Variants in SPECC1L observed in about 807,000 individuals in gnomAD.
The protein encoded by SPECC1L is sperm antigen with calponin homology and coiled-coil domains 1 like.
Under a neutral mutation model 116.8 loss-of-function variants are expected in SPECC1L, and 40 were observed. That is an observed-to-expected ratio of 0.34 (90% CI 0.27 to 0.45). SPECC1L has a LOEUF of 0.45. Among genes scored for constraint, SPECC1L ranks in the 20% least tolerant of loss-of-function variants. The pLI is 1.00. For missense variants in SPECC1L, 1,110 were observed against 1,373.6 expected (o/e 0.81, Z 3.03); for synonymous variants, 504 against 500.6 (o/e 1.01, Z -0.09).
chr22:24,345,899 G>A (rs1363467250), intron 10 of SPECC1L, among the ~76,000 whole-genome samples: 12 of 152,250 alleles, frequency 7.9e-5, no homozygotes, highest in African/African-American at 2.4e-4. Context: ...GACAAGCAAC[G>A]TGGTCTGCAT....
intron 11 of SPECC1L, among the ~76,000 whole-genome samples, chr22:24,362,420 G>A (rs555911869): frequency 6.6e-6 from 1 of 152,292 alleles, no homozygotes; most frequent in African/African-American, 2.4e-5. Flanking sequence ...AACAAGGGAG[G>A]AGTAGAACAA....
chr22:24,369,798 TCTTA>T (rs761358035), intron 14 of SPECC1L, among the ~76,000 whole-genome samples: 10 of 152,244 alleles, frequency 6.6e-5, no homozygotes, highest in Admixed American at 3.3e-4. Flanking sequence ...TGTAGCACTT[TCTTA>T]CTTAAGTCCA....
At chr22:24,372,576 A>C (rs1463237272) in intron 14 of SPECC1L, among the ~76,000 whole-genome samples, 1 of 152,098 alleles carries the variant, frequency 6.6e-6, no homozygotes. Context: ...ATTCAACAAC[A>C]CTTCATGCTA....
At chr22:24,319,771 GC>G (rs1290575862) in intron 4 of SPECC1L, among the ~76,000 whole-genome samples, 1 of 152,078 alleles carries the variant, frequency 6.6e-6, no homozygotes, top group African/African-American at 2.4e-5. Context: ...TCTGTTAGTG[GC>G]TATCTCCCTC....
At position 24,321,514 on chromosome 22, in the gene SPECC1L, A is replaced by G; in HGVS notation, c.534A>G (p.Arg178=). The change falls in exon 5 of 17, where the codon AGA becomes AGG. Residue 178 remains arginine (R), a synonymous_variant. Transcript: ENST00000314328. The part of the protein sequence containing the change: ...KSKSDNQISD[R]AALEAKVKDL... ...AGTCAGACAATCAGATCAGTGACAG[A>G]GCTGCTTTGGAGGCCAAAGTGAAGG... 1 of 1,614,236 alleles carries G rather than the reference A, an allele frequency of 6.2e-7. No homozygotes were observed. The highest frequency in any genetic ancestry group is 8.5e-7 in the Non-Finnish European group (1 of 1,180,044).
intron 8 of SPECC1L, among the ~76,000 whole-genome samples, chr22:24,330,760 T>C (rs1219069661): frequency 1.3e-5 from 2 of 152,208 alleles, no homozygotes; most frequent in Non-Finnish European, 2.9e-5. Flanking sequence ...TGATGTGGAC[T>C]CTGGAGACAG....
chr22:24,346,774 A>G (rs1210390118), intron 10 of SPECC1L, among the ~76,000 whole-genome samples: 2 of 152,182 alleles, frequency 1.3e-5, no homozygotes, highest in Admixed American at 6.5e-5. Flanking sequence ...TAATGTCAAA[A>G]TCCTGCTGGT....
intron 10 of SPECC1L, among the ~76,000 whole-genome samples, chr22:24,340,233 C>T (rs1285289040): frequency 6.7e-6 from 1 of 148,150 alleles, no homozygotes; most frequent in Non-Finnish European, 1.5e-5. Context: ...ACTGCAACCT[C>T]CACCTCCTGG....
intron 11 of SPECC1L, among the ~76,000 whole-genome samples, chr22:24,355,424 A>G (rs2041511743): frequency 6.7e-6 from 1 of 149,298 alleles, no homozygotes; most frequent in Admixed American, 6.6e-5. Flanking sequence ...TGTATACACT[A>G]TCCTGTCTGT....
At chr22:24,326,789 T>C (rs2040830629) in intron 6 of SPECC1L, among the ~76,000 whole-genome samples, 1 of 152,198 alleles carries the variant, frequency 6.6e-6, no homozygotes, top group Non-Finnish European at 1.5e-5. Context: ...TACACAGTTT[T>C]GGGGCAGTGA....
rs768688210 is a variant in SPECC1L, at chr22:24,322,057, C to T, written c.1077C>T (p.Ser359=). 15 of 1,614,020 alleles carry T rather than the reference C, an allele frequency of 9.3e-6. No homozygotes were observed. The African/African-American group carries it at 1.1e-4, about 11-fold the overall frequency. The stretch of plus-strand genomic sequence containing the variant: ...AGGTCTACCAGCCCCTCACATCGAG[C>T]GATGATGCGCTGGATGCACCATCCT... ...CSEVYQPLTS[S]DDALDAPSSS... Residue 359 remains serine (S), a synonymous_variant, in exon 5 of 17, where the codon AGC becomes AGT. Transcript: ENST00000314328.
rs914090770 is a variant in SPECC1L, at chr22:24,414,787, C to T, written c.*164C>T. On this transcript the variant is annotated 3_prime_UTR_variant, in exon 17 of 17. Transcript: ENST00000314328. ...GGCTTCCGTATTGGAAGAACTCAGC[C>T]GTGTGGCCCACAGCTCCCACCAGGG... 19 of 657,452 alleles carry T rather than the reference C, an allele frequency of 2.9e-5. No individual in the cohort carries two copies. Among genetic ancestry groups the T allele is most frequent in the African/African-American group, 1.2e-4 (7 of 56,184 alleles). The allele number at this position is 657,452 out of a possible 1,614,324, so 40.7% of individuals were successfully genotyped here. A position where few individuals can be genotyped will look rare whatever the true frequency, so the allele number is the denominator to read the frequency against.
chr22:24,412,056 C>T (rs2042708845), intron 15 of SPECC1L: 2 of 404,290 alleles, frequency 4.9e-6, no homozygotes, highest in Non-Finnish European at 9.4e-6. Context: ...AGGCCAGCCT[C>T]CTGCCACCTT....
chr22:24,414,493 G>A, intron 16 of SPECC1L, 41 bp from the exon 17 acceptor site: 2 of 1,569,154 alleles, frequency 1.3e-6, no homozygotes, highest in Admixed American at 3.4e-5. Flanking sequence ...CAGCCTGGAG[G>A]TGACCTGCAG....
intron 4 of SPECC1L, among the ~76,000 whole-genome samples, chr22:24,320,313 C>G (rs1458762347): frequency 1.3e-5 from 2 of 152,100 alleles, no homozygotes; most frequent in East Asian, 1.9e-4. Context: ...AAAAAACTTC[C>G]TGTTCTTTTT....
At chr22:24,387,989 A>G (rs2042192183) in intron 14 of SPECC1L, among the ~76,000 whole-genome samples, 1 of 152,128 alleles carries the variant, frequency 6.6e-6, no homozygotes, top group Non-Finnish European at 1.5e-5. Flanking sequence ...CATCACTCTG[A>G]CCATAGGTTA....
intron 14 of SPECC1L, among the ~76,000 whole-genome samples, chr22:24,388,329 A>G (rs976995102): frequency 7.0e-6 from 1 of 143,076 alleles, no homozygotes; most frequent in African/African-American, 2.6e-5. Flanking sequence ...GAGAACATGC[A>G]GTGTTTGTTT....
At position 24,412,702 on chromosome 22, in the gene SPECC1L, A is replaced by G. The variant is rs747047404; in HGVS notation, c.3259A>G (p.Thr1087Ala). The change falls in exon 16 of 17, where the codon ACA becomes GCA. Residue 1087 changes from threonine to alanine, a missense_variant. Coordinates refer to ENST00000314328, the MANE Select transcript of SPECC1L (RefSeq NM_015330.6). ...QAAESVGIKS[T>A]LDINEMVRTE... ...AGCTGAAAGTGTCGGCATCAAATCC[A>G]CACTGGTGAGCCCTTGTCCCCCTGA... 3.7e-6 allele frequency: 6 copies of G among 1,613,986 alleles called. No homozygotes were observed. The Admixed American group carries it at 1.0e-4, about 27-fold the overall frequency.
At chr22:24,389,987 A>G (rs1251060354) in intron 14 of SPECC1L, among the ~76,000 whole-genome samples, 3 of 152,128 alleles carry the variant, frequency 2.0e-5, no homozygotes, top group Non-Finnish European at 4.4e-5. Context: ...GCCCAAAAGC[A>G]CAAGTTTCTT....
Sources: gnomAD v4.1 joint callset for allele counts (sites outside exome capture counted in the v4.1 genomes callset) on GRCh38, gnomAD v4.1.1 for gene constraint, MANE v1.5 for transcripts, NCBI Gene and HGNC (gene_info 2026-07-23, HGNC 2026-07-21) for gene names.